ETFA: variants seen among roughly 807,000 people sequenced by gnomAD.
ETFA encodes electron transfer flavoprotein subunit alpha, mitochondrial.
A neutral mutation model predicts 46.2 loss-of-function variants in ETFA; 22 were observed. The ratio of observed to expected loss-of-function variants is 0.48; its 90% CI spans 0.34 to 0.68. ETFA has a LOEUF of 0.68. ETFA is among the 30% of genes least tolerant of loss of function. The probability of loss-of-function intolerance (pLI) is 0.01; values close to 1 mark genes in which losing one functional copy is unlikely to be tolerated. For missense variants in ETFA, 345 were observed against 401.1 expected (o/e 0.86, Z 1.19); for synonymous variants, 131 against 139.9 (o/e 0.94, Z 0.45).
intron 9 of ETFA, chr15:76,261,369 C>A (rs74342138): frequency 4.0e-6 from 5 of 1,243,576 alleles, no homozygotes; most frequent in South Asian, 1.3e-5. Context: ...AGTACTGGCC[C>A]GTGTCAGAGC....
chr15:76,258,219 C>G (rs918273161), intron 9 of ETFA, among the ~76,000 whole-genome samples: 1 of 151,986 alleles, frequency 6.6e-6, no homozygotes, highest in African/African-American at 2.4e-5. Context: ...GTAGCATGCT[C>G]AGATTGTGGG....
chr15:76,307,703 C>T (rs904668479), intron 1 of ETFA, among the ~76,000 whole-genome samples: 3 of 151,840 alleles, frequency 2.0e-5, no homozygotes, highest in Non-Finnish European at 2.9e-5. Context: ...AGGCTGGTCT[C>T]GAACTCCTGA....
chr15:76,232,320 T>C (rs2039077223), intron 9 of ETFA, among the ~76,000 whole-genome samples: 3 of 152,212 alleles, frequency 2.0e-5, no homozygotes, highest in East Asian at 1.9e-4. Context: ...CTTCATTCTG[T>C]TTACCAGGTA....
At chr15:76,237,780 C>T (rs2039141381) in intron 9 of ETFA, among the ~76,000 whole-genome samples, 1 of 152,154 alleles carries the variant, frequency 6.6e-6, no homozygotes, top group Non-Finnish European at 1.5e-5. Context: ...TCAAAAATTT[C>T]ACTTTAAAAT....
At chr15:76,244,864 C>CAT (rs2039230148) in intron 9 of ETFA, among the ~76,000 whole-genome samples, 2 of 151,912 alleles carry the variant, frequency 1.3e-5, no homozygotes, top group African/African-American at 4.8e-5. Flanking sequence ...AAACAGTTAC[C>CAT]ATATATATGT....
At chr15:76,256,985 C>T (rs112805410) in intron 9 of ETFA, among the ~76,000 whole-genome samples, 71 of 152,302 alleles carry the variant, frequency 4.7e-4, no homozygotes, top group African/African-American at 1.6e-3. Flanking sequence ...CTCTATGATG[C>T]TTACACAATA....
At chr15:76,229,723 A>G (rs993624066) in intron 10 of ETFA, among the ~76,000 whole-genome samples, 2 of 152,216 alleles carry the variant, frequency 1.3e-5, no homozygotes, top group Non-Finnish European at 2.9e-5. Flanking sequence ...GTTTTGGGCC[A>G]GTTCATTTAG....
intron 9 of ETFA, among the ~76,000 whole-genome samples, chr15:76,272,785 A>G (rs1004731099): frequency 2.1e-5 from 3 of 140,440 alleles, no homozygotes; most frequent in Admixed American, 1.4e-4. Flanking sequence ...CAGGTAACAT[A>G]GCAAGACCCT....
chr15:76,298,823 G>T (rs144325292), intron 1 of ETFA, among the ~76,000 whole-genome samples: 11 of 151,580 alleles, frequency 7.3e-5, no homozygotes, highest in African/African-American at 1.7e-4. Context: ...AATCTCAAAA[G>T]ACCTCTTTTC....
At chr15:76,223,293 C>A (rs527870443) in intron 11 of ETFA, among the ~76,000 whole-genome samples, 77 of 148,652 alleles carry the variant, frequency 5.2e-4, no homozygotes, top group Middle Eastern at 3.6e-3. Context: ...TCTTGGCTCA[C>A]TGTAACCTCT....
intron 8 of ETFA, among the ~76,000 whole-genome samples, chr15:76,277,415 C>T (rs1364823626): frequency 6.6e-6 from 1 of 152,100 alleles, no homozygotes; most frequent in Non-Finnish European, 1.5e-5. Flanking sequence ...CTAATTTTCA[C>T]CATGTGGAAG....
chr15:76,301,827 TAAAG>T (rs772081558), intron 1 of ETFA, among the ~76,000 whole-genome samples: 52 of 151,904 alleles, frequency 3.4e-4, no homozygotes, highest in Non-Finnish European at 4.9e-4. Context: ...CTAAAAAAAA[TAAAG>T]AACCCTTAAA....
intron 9 of ETFA, among the ~76,000 whole-genome samples, chr15:76,233,698 A>T (rs2039093380): frequency 6.6e-6 from 1 of 152,226 alleles, no homozygotes; most frequent in Non-Finnish European, 1.5e-5. Flanking sequence ...GACATTTGTT[A>T]AACTGTTAAT....
intron 1 of ETFA, among the ~76,000 whole-genome samples, chr15:76,309,729 A>G (rs1348456545): frequency 1.3e-5 from 2 of 152,176 alleles, no homozygotes; most frequent in Non-Finnish European, 2.9e-5. Context: ...ACTGTTTTCC[A>G]ACTGCTGCAT....
chr15:76,280,506 G>A (rs530894385), intron 8 of ETFA, among the ~76,000 whole-genome samples: 1 of 152,004 alleles, frequency 6.6e-6, no homozygotes, highest in African/African-American at 2.4e-5. Context: ...CCACCTAGAC[G>A]ACTGATATAG....
chr15:76,250,515 A>G (rs1042459928), intron 9 of ETFA, among the ~76,000 whole-genome samples: 5 of 152,114 alleles, frequency 3.3e-5, no homozygotes, highest in African/African-American at 1.2e-4. Flanking sequence ...GTCTTGAAAC[A>G]ATAGTAATCA....
Position 76,311,422 on chromosome 15 carries a change from G to T in ETFA, c.-34C>A. On this transcript the variant is annotated 5_prime_UTR_variant, in exon 1 of 12. It adds an upstream start codon to the 5' untranslated region. Coordinates refer to ENST00000557943, the MANE Select transcript of ETFA (RefSeq NM_000126.4). ...CTTCCGCCGCAACCTCGGCCTTACA[G>T]CAGCCCCGTGCCCGGCCAACTGGCG... 6.5e-7 allele frequency: 1 copy of T among 1,548,530 alleles called. No individual in the cohort carries two copies.
At chr15:76,308,020 A>C (rs1436676929) in intron 1 of ETFA, among the ~76,000 whole-genome samples, 2 of 152,174 alleles carry the variant, frequency 1.3e-5, no homozygotes, top group Non-Finnish European at 2.9e-5. Context: ...TATGTAAACA[A>C]ACAGGAGTCA....
intron 9 of ETFA, among the ~76,000 whole-genome samples, chr15:76,266,876 C>G (rs1190033086): frequency 3.3e-5 from 5 of 151,610 alleles, no homozygotes; most frequent in Non-Finnish European, 7.4e-5. Context: ...TGCACTCCAG[C>G]CTGGGCGACA....
Sources: allele counts gnomAD v4.1 joint callset (sites outside exome capture counted in the v4.1 genomes callset), GRCh38; gene constraint gnomAD v4.1.1; transcripts MANE v1.5; gene names NCBI Gene and HGNC (gene_info 2026-07-23, HGNC 2026-07-21).